Variants in ZC3H7A observed in about 807,000 individuals in gnomAD.
ZC3H7A encodes the protein zinc finger CCCH-type containing 7A.
In ZC3H7A, 44 loss-of-function variants were observed where a neutral mutation model predicts 125.5. The ratio of observed to expected loss-of-function variants is 0.35; its 90% CI spans 0.28 to 0.45. The LOEUF is 0.45. Among genes scored for constraint, ZC3H7A ranks in the 20% least tolerant of loss-of-function variants. The probability of loss-of-function intolerance (pLI) is 1.00; values close to 1 mark genes in which losing one functional copy is unlikely to be tolerated. For synonymous variants in ZC3H7A, 399 were observed against 391.2 expected (o/e 1.02, Z -0.23); for missense variants, 977 against 1,170.7 (o/e 0.83, Z 2.41).
In ZC3H7A at chr16:11,751,503, A is replaced by G. The variant is rs745375203; in HGVS notation, c.2730T>C (p.Tyr910=). 3 of 1,613,536 alleles carry G rather than the reference A, an allele frequency of 1.9e-6. No individual in the cohort carries two copies. The highest frequency in any genetic ancestry group is 2.2e-5 in the South Asian group (2 of 90,892). The change falls in exon 23 of 23, where the codon TAT becomes TAC. Residue 910 remains tyrosine (Y), a synonymous_variant. Coordinates refer to ENST00000355758, the MANE Select transcript of ZC3H7A (RefSeq NM_014153.4). ...PTGYFSICDR[Y]MNGTCPEGNS... ...TTCCTTCTGGGCAGGTGCCATTCAT[A>G]TACCTGTAAGGAGAAGTCAGCTGCT... is the stretch of plus-strand genomic sequence containing the variant.
chr16:11,763,688 T>C (rs777497225), intron 15 of ZC3H7A, 29 bp from the exon 16 acceptor site: 44 of 1,345,072 alleles, frequency 3.3e-5, no homozygotes, highest in Non-Finnish European at 4.1e-5. Flanking sequence ...CATTTTAATA[T>C]TGTTCTGCCA....
intron 16 of ZC3H7A, chr16:11,763,005 C>A (rs2052777945): frequency 2.7e-6 from 1 of 373,192 alleles, no homozygotes; most frequent in Non-Finnish European, 4.8e-6. Context: ...CATGAGAACA[C>A]ACTCAAAATA....
intron 19 of ZC3H7A, among the ~76,000 whole-genome samples, chr16:11,760,122 G>GAAAGAAAAAAA (rs2052722293): frequency 1.2e-5 from 1 of 82,532 alleles, no homozygotes; most frequent in Non-Finnish European, 2.1e-5. Context: ...AAGAAAAAAT[G>GAAAGAAAAAAA]AAAAAAAAAA....
intron 1 of ZC3H7A, among the ~76,000 whole-genome samples, chr16:11,791,112 C>T (rs866274696): frequency 2.6e-5 from 4 of 151,504 alleles, no homozygotes; most frequent in Middle Eastern, 6.8e-3. Flanking sequence ...CACACACACA[C>T]ACACACACAC....
intron 11 of ZC3H7A, 35 bp downstream of exon 11, chr16:11,768,996 A>C: frequency 6.4e-7 from 1 of 1,566,836 alleles, no homozygotes; most frequent in Non-Finnish European, 8.7e-7. Context: ...TTTCAATTCA[A>C]GCGATGTATT....
chr16:11,775,013 C>G lies in ZC3H7A; in HGVS notation c.586G>C (p.Ala196Pro). The G allele has an allele frequency of 6.2e-7, 1 of 1,614,026 alleles. No individual in the cohort carries two copies. The highest frequency in any genetic ancestry group is 1.1e-5 in the South Asian group (1 of 91,074). ...ATATCTTCCACAGAATGGTTCAAAGCCTAGAAATTAAACCAAACAATGGGT... is the reference window on the plus strand; with the variant it reads ...ATATCTTCCACAGAATGGTTCAAAGGCTAGAAATTAAACCAAACAATGGGT... ...KSVPGDGATKALNHSVEDIEP... is the reference protein window; with the variant it reads ...KSVPGDGATKPLNHSVEDIEP... The change falls in exon 8 of 23, where the codon GCT becomes CCT. Residue 196 changes from alanine (A) to proline (P), a missense_variant and splice_region_variant. Physicochemically the swap from Ala to Pro is conservative, Grantham distance 27. Transcript: ENST00000355758.
At chr16:11,788,999 TAC>T (rs941571157) in intron 1 of ZC3H7A, among the ~76,000 whole-genome samples, 3 of 151,810 alleles carry the variant, frequency 2.0e-5, no homozygotes, top group Admixed American at 6.6e-5. Context: ...TGCATAATAC[TAC>T]ACACACACAC....
intron 13 of ZC3H7A, among the ~76,000 whole-genome samples, chr16:11,766,144 A>C (rs1386937810): frequency 6.6e-6 from 1 of 152,214 alleles, no homozygotes; most frequent in Non-Finnish European, 1.5e-5. Context: ...CATTCACACA[A>C]ACTTGTTTGA....
intron 1 of ZC3H7A, among the ~76,000 whole-genome samples, chr16:11,787,450 G>C (rs1459167380): frequency 1.3e-5 from 2 of 151,472 alleles, no homozygotes; most frequent in African/African-American, 4.8e-5. Context: ...ACACCCCTTT[G>C]TGTGTGTGTT....
At chr16:11,769,422 T>C (rs957398441) in intron 10 of ZC3H7A, among the ~76,000 whole-genome samples, 1 of 152,058 alleles carries the variant, frequency 6.6e-6, no homozygotes, top group Non-Finnish European at 1.5e-5. Flanking sequence ...TTTGAAAATA[T>C]GGGGCCAGGT....
intron 1 of ZC3H7A, among the ~76,000 whole-genome samples, chr16:11,787,319 T>C (rs2053271205): frequency 1.3e-5 from 2 of 152,182 alleles, no homozygotes; most frequent in South Asian, 4.1e-4. Flanking sequence ...AAAGAAAAGA[T>C]ATAGACCATT....
intron 1 of ZC3H7A, among the ~76,000 whole-genome samples, chr16:11,795,387 C>G (rs1056934275): frequency 2.6e-5 from 4 of 152,188 alleles, no homozygotes; most frequent in Non-Finnish European, 5.9e-5. Context: ...AAATATTGTA[C>G]AAAATATATT....
rs2052905747 is a variant in ZC3H7A at position 11,768,507 on chromosome 16, A to C, written c.1174-6T>G. On this transcript the variant is annotated splice_polypyrimidine_tract_variant and splice_region_variant and intron_variant, in intron 11 of 22. Coordinates refer to ENST00000355758, the MANE Select transcript of ZC3H7A (RefSeq NM_014153.4). ...AAACTACCTGGTCCATTCATCTGCA[A>C]GAAAAATAAGAAGAAAAAAAAAAAA... The C allele has an allele frequency of 6.9e-7, 1 of 1,443,122 alleles. No homozygotes were observed. Among genetic ancestry groups the C allele is most frequent in the African/African-American group, 1.7e-5 (1 of 59,168 alleles). The allele number at this position is 1,443,122 out of a possible 1,614,324, so 89.4% of individuals were successfully genotyped here.
At chr16:11,791,331 G>T (rs1156762214) in intron 1 of ZC3H7A, among the ~76,000 whole-genome samples, 1 of 151,988 alleles carries the variant, frequency 6.6e-6, no homozygotes, top group Non-Finnish European at 1.5e-5. Context: ...ATGCTTCTAA[G>T]TCACTGTGTT....
rs758540705 is a variant in ZC3H7A at position 11,769,031 on chromosome 16, A to G, written c.1173T>C (p.Leu391=). 6.2e-7 allele frequency: 1 copy of G among 1,606,516 alleles called. No individual in the cohort carries two copies. Among genetic ancestry groups the G allele is most frequent in the Non-Finnish European group, 8.5e-7 (1 of 1,177,384 alleles). Residue 391 remains leucine, a splice_region_variant and synonymous_variant, in exon 11 of 23, where the codon CTT becomes CTC. Transcript: ENST00000355758. ...PLNNSNSSLL[L]MNGPGSLFAS... ...TTACAAAAGAGGAAGTGGCACTTAC[A>G]AGTAAAAGGGAAGAATTACTGTTGT...
At chr16:11,793,698 T>C (rs2053388575) in intron 1 of ZC3H7A, among the ~76,000 whole-genome samples, 2 of 152,226 alleles carry the variant, frequency 1.3e-5, no homozygotes, top group East Asian at 3.8e-4. Context: ...ATTAACTGGC[T>C]CTTGCAACAC....
At position 11,750,615 on chromosome 16, in the gene ZC3H7A, T is replaced by C. The variant is rs2052539659; in HGVS notation, c.*702A>G. 1.3e-5 allele frequency: 2 copies of C among 152,572 alleles called. No homozygotes were observed. The highest frequency in any genetic ancestry group is 2.9e-5 in the Non-Finnish European group (2 of 68,040). The allele number at this position is 152,572 out of a possible 1,614,324, so 9.5% of individuals were successfully genotyped here. On this transcript the variant is annotated 3_prime_UTR_variant, in exon 23 of 23. Coordinates refer to ENST00000355758, the MANE Select transcript of ZC3H7A (RefSeq NM_014153.4). ...AGGCATCTATATATAAAATCTTTAT[T>C]ACAGGCAGTATTGGTCCATACACTA...
intron 1 of ZC3H7A, among the ~76,000 whole-genome samples, chr16:11,787,702 T>C (rs1357271553): frequency 1.3e-5 from 2 of 152,094 alleles, no homozygotes; most frequent in East Asian, 1.9e-4. Context: ...TCCCAGCACT[T>C]TGGGAGGCCG....
At chr16:11,792,930 C>CA (rs2053376867) in intron 1 of ZC3H7A, among the ~76,000 whole-genome samples, 1 of 152,154 alleles carries the variant, frequency 6.6e-6, no homozygotes, top group African/African-American at 2.4e-5. Context: ...GAAAGAAACA[C>CA]ACGCATGCGT....
Sources: gnomAD v4.1 joint callset for allele counts (sites outside exome capture counted in the v4.1 genomes callset) on GRCh38, gnomAD v4.1.1 for gene constraint, MANE v1.5 for transcripts, NCBI Gene and HGNC (gene_info 2026-07-23, HGNC 2026-07-21) for gene names.